The following IL23R variants were observed in gnomAD, a reference collection of about 807,000 sequenced individuals.
IL23R encodes the protein interleukin 23 receptor.
Under a neutral mutation model 56.9 loss-of-function variants are expected in IL23R, and 34 were observed. The observed-to-expected ratio is 0.60, with a 90% CI of 0.45 to 0.80. The LOEUF is 0.80. Ranked by LOEUF, IL23R falls within the 30% of genes least tolerant of loss-of-function variation. IL23R has a pLI of 0.00. For synonymous variants in IL23R, 230 were observed against 249.2 expected (o/e 0.92, Z 0.73); for missense variants, 635 against 730.0 (o/e 0.87, Z 1.50).
chr1:67,230,269 G>A (rs1558255540), intron 7 of IL23R, among the ~76,000 whole-genome samples: 1 of 152,190 alleles, frequency 6.6e-6, no homozygotes, highest in East Asian at 1.9e-4. Context: ...TAGCCCTACT[G>A]CCTCTCAGCT....
At chr1:67,162,321 G>GGGCATGGTGGCACATGTGGC (rs1646829468), upstream of IL23R, among the ~76,000 whole-genome samples, 1 of 151,694 alleles carries the variant, frequency 6.6e-6, no homozygotes, top group African/African-American at 2.4e-5. Flanking sequence ...AAAATTAGCT[G>GGGCATGGTGGCACATGTGGC]GGCATGGTGG....
At chr1:67,181,793 A>C (rs936637902) in intron 3 of IL23R, among the ~76,000 whole-genome samples, 2 of 152,006 alleles carry the variant, frequency 1.3e-5, no homozygotes, top group African/African-American at 4.8e-5. Flanking sequence ...GATGATGGTG[A>C]TGTACAGATG....
chr1:67,164,307 C>T (rs534304285), upstream of IL23R, among the ~76,000 whole-genome samples: 209 of 152,170 alleles, frequency 1.4e-3, no homozygotes, highest in African/African-American at 4.4e-3. Flanking sequence ...ACCAGCCTGG[C>T]CAACATGGTG....
At chr1:67,153,955 A>C (rs1646750398) in intron 1 of IL23R, among the ~76,000 whole-genome samples, 1 of 152,034 alleles carries the variant, frequency 6.6e-6, no homozygotes, top group Non-Finnish European at 1.5e-5. Context: ...GTTTTAGTGG[A>C]GACAGGGTTT....
intron 7 of IL23R, among the ~76,000 whole-genome samples, chr1:67,235,295 T>C (rs1301506886): frequency 6.6e-6 from 1 of 152,208 alleles, no homozygotes; most frequent in Non-Finnish European, 1.5e-5. Context: ...ACTTTTGGCT[T>C]TTCTGATGTT....
intron 7 of IL23R, among the ~76,000 whole-genome samples, chr1:67,226,728 C>T (rs1192182616): frequency 6.6e-6 from 1 of 152,178 alleles, no homozygotes; most frequent in Non-Finnish European, 1.5e-5. Context: ...CAGGGAACCA[C>T]CCTCATTTAT....
intron 1 of IL23R, among the ~76,000 whole-genome samples, chr1:67,142,786 T>C (rs1275022743): frequency 1.3e-5 from 2 of 152,202 alleles, no homozygotes; most frequent in Non-Finnish European, 2.9e-5. Flanking sequence ...CAGGCTGGTC[T>C]CGAACTCCTG....
chr1:67,184,613 A>G (rs574161412), intron 4 of IL23R, among the ~76,000 whole-genome samples: 21 of 125,858 alleles, frequency 1.7e-4, no homozygotes, highest in Middle Eastern at 4.3e-3. Flanking sequence ...AAAATAAAAT[A>G]AAATAAGCCT....
intron 6 of IL23R, among the ~76,000 whole-genome samples, chr1:67,212,500 C>G (rs546441357): frequency 5.3e-5 from 8 of 150,916 alleles, no homozygotes; most frequent in Non-Finnish European, 8.8e-5. Context: ...AGCACAGGCT[C>G]TAGAGTTCAA....
chr1:67,167,093 G>A (rs529948921), intron 1 of IL23R, among the ~76,000 whole-genome samples: 3,440 of 152,218 alleles, frequency 0.023, 127 homozygotes, highest in African/African-American at 0.078. Context: ...CAGATGAAAG[G>A]CTTTTTCCTC....
At chr1:67,184,715 A>G (rs1159005040) in intron 4 of IL23R, among the ~76,000 whole-genome samples, 1 of 151,808 alleles carries the variant, frequency 6.6e-6, no homozygotes, top group Non-Finnish European at 1.5e-5. Flanking sequence ...TTGGACCCTT[A>G]CTGTTTGCCA....
At chr1:67,251,156 G>T (rs1652581345) in intron 9 of IL23R, among the ~76,000 whole-genome samples, 1 of 151,996 alleles carries the variant, frequency 6.6e-6, no homozygotes, top group Non-Finnish European at 1.5e-5. Context: ...CCACAAAAAG[G>T]AAAGACATAA....
chr1:67,247,128 T>C (rs1417388404), intron 9 of IL23R, among the ~76,000 whole-genome samples: 1 of 152,144 alleles, frequency 6.6e-6, no homozygotes, highest in African/African-American at 2.4e-5. Flanking sequence ...GAGACTAGGA[T>C]TGCAACCCCT....
chr1:67,261,007 AAAATC>A (rs2100403239), downstream of IL23R, among the ~76,000 whole-genome samples: 1 of 152,364 alleles, frequency 6.6e-6, no homozygotes, highest in South Asian at 2.1e-4. Context: ...TTTATTATGA[AAAATC>A]AAGCAGTTAA....
chr1:67,173,265 A>G (rs888437564), intron 3 of IL23R, among the ~76,000 whole-genome samples: 5 of 152,208 alleles, frequency 3.3e-5, no homozygotes, highest in African/African-American at 1.2e-4. Flanking sequence ...CTTCATGTTA[A>G]CAAACACTTA....
intron 7 of IL23R, among the ~76,000 whole-genome samples, chr1:67,224,265 G>GA (rs771964579): frequency 1.1e-3 from 165 of 152,200 alleles, no homozygotes; most frequent in Non-Finnish European, 1.9e-3. Context: ...CCTCACAAAT[G>GA]AAAAAATAAA....
intron 1 of IL23R, among the ~76,000 whole-genome samples, chr1:67,156,415 C>A (rs1294506542): frequency 1.3e-5 from 2 of 152,188 alleles, no homozygotes; most frequent in African/African-American, 2.4e-5. Context: ...CTGCAGCTGT[C>A]CCCTCCCTCC....
chr1:67,207,160 C>A, intron 6 of IL23R, 105 bp downstream of exon 6: 1 of 1,229,486 alleles, frequency 8.1e-7, no homozygotes, highest in Non-Finnish European at 1.2e-6. Context: ...TGTTTTTAAT[C>A]TGATTGTTTG....
intron 9 of IL23R, among the ~76,000 whole-genome samples, chr1:67,242,416 A>T (rs1020125099): frequency 6.6e-6 from 1 of 152,172 alleles, no homozygotes; most frequent in African/African-American, 2.4e-5. Flanking sequence ...TCTATTGTTC[A>T]TAGAGGCATA....
Sources: gnomAD v4.1 joint callset for allele counts (sites outside exome capture counted in the v4.1 genomes callset) on GRCh38, gnomAD v4.1.1 for gene constraint, MANE v1.5 for transcripts, NCBI Gene and HGNC (gene_info 2026-07-23, HGNC 2026-07-21) for gene names.